The following PDE3B variants were observed in gnomAD, a reference collection of about 807,000 sequenced individuals.
The protein encoded by PDE3B is phosphodiesterase 3B.
PDE3B carries 66 observed loss-of-function variants against 116.8 expected under a neutral mutation model. The ratio of observed to expected loss-of-function variants is 0.56; its 90% CI spans 0.46 to 0.69. The LOEUF (loss-of-function observed/expected upper bound fraction) is 0.69, where lower values mean the gene tolerates loss of function less well. Ranked by LOEUF, PDE3B falls within the 30% of genes least tolerant of loss-of-function variation. The probability of loss-of-function intolerance (pLI) is 0.00; values close to 1 mark genes in which losing one functional copy is unlikely to be tolerated. For synonymous variants in PDE3B, 595 were observed against 533.6 expected (o/e 1.12, Z -1.59); for missense variants, 1,384 against 1,368.1 (o/e 1.01, Z -0.18).
chr11:14,848,130 C>T (rs2133978992), intron 12 of PDE3B, among the ~76,000 whole-genome samples: 1 of 140,412 alleles, frequency 7.1e-6, no homozygotes, highest in Non-Finnish European at 1.5e-5. Context: ...CATCAAAAAG[C>T]TTATCCACCA....
At chr11:14,699,297 A>G (rs1855299373) in intron 1 of PDE3B, 1 of 151,890 alleles carries the variant, frequency 6.6e-6, no homozygotes, top group Non-Finnish European at 1.5e-5. Context: ...GATTCCATTC[A>G]TCATATACTG....
At chr11:14,645,135 T>G (rs756948497) in intron 1 of PDE3B, 82 bp downstream of exon 1, 3 of 737,426 alleles carry the variant, frequency 4.1e-6, no homozygotes, top group Non-Finnish European at 5.5e-6. Context: ...TTCGCTTATT[T>G]CAAAGCATGT....
chr11:14,771,895 T>G (rs745822090), intron 1 of PDE3B, 42 bp from the exon 2 acceptor site: 1 of 875,086 alleles, frequency 1.1e-6, no homozygotes, highest in Non-Finnish European at 1.7e-6. Flanking sequence ...TATACTTTTT[T>G]GTTTATTTTT....
intron 11 of PDE3B, 89 bp from the exon 12 acceptor site, chr11:14,843,738 C>A: frequency 4.5e-6 from 4 of 896,778 alleles, no homozygotes; most frequent in South Asian, 1.4e-5. Flanking sequence ...AATAAGTAAG[C>A]ATATTACCTA....
rs1256315419 is a variant in PDE3B, at chr11:14,869,511, C to G, written c.3190C>G (p.His1064Asp). The G allele has an allele frequency of 6.2e-7, 1 of 1,612,544 alleles. No homozygotes were observed. Among genetic ancestry groups the G allele is most frequent in the South Asian group, 1.1e-5 (1 of 90,936 alleles). ...GCGAATATTTTGTCAGCTAATGCAC[C>G]ACCTCACTGAAAACCACAAGATATG... ...RRRIFCQLMH[H>D]LTENHKIWKE... is the part of the protein sequence containing the mutation. Residue 1064 changes from histidine to aspartate, a missense_variant, in exon 16 of 16, where the codon CAC becomes GAC. Physicochemically the swap from His to Asp is moderately conservative, Grantham distance 81 (BLOSUM62 -1). Coordinates refer to ENST00000282096, the MANE Select transcript of PDE3B (RefSeq NM_000922.4).
At chr11:14,653,250 A>C (rs986528813) in intron 1 of PDE3B, among the ~76,000 whole-genome samples, 1 of 152,088 alleles carries the variant, frequency 6.6e-6, no homozygotes, top group Admixed American at 6.6e-5. Flanking sequence ...ACCTCACGTA[A>C]AAATTTAAAT....
intron 2 of PDE3B, chr11:14,775,293 T>G (rs937566717): frequency 6.6e-6 from 1 of 152,198 alleles, no homozygotes; most frequent in East Asian, 1.9e-4. Flanking sequence ...TGTATAGCAT[T>G]ATTTTACCAC....
intron 1 of PDE3B, among the ~76,000 whole-genome samples, chr11:14,683,731 T>G (rs568181246): frequency 6.6e-6 from 1 of 152,194 alleles, no homozygotes; most frequent in Admixed American, 6.5e-5. Flanking sequence ...TTTGTTCTTC[T>G]TTTCCTAATT....
the PDE3B span, chr11:14,892,315 G>A: frequency 1.9e-6 from 2 of 1,070,314 alleles, no homozygotes; most frequent in Non-Finnish European, 2.7e-6. Flanking sequence ...CCCTAGCTCC[G>A]TGGCCATTGG....
At chr11:14,878,286 A>C in the PDE3B span, 5 of 1,612,902 alleles carry the variant, frequency 3.1e-6, no homozygotes, top group Non-Finnish European at 4.2e-6. Context: ...TCTCCAAGAC[A>C]ATGTCTTCTT....
At chr11:14,788,310 CAAAG>C (rs902578554) in intron 3 of PDE3B, among the ~76,000 whole-genome samples, 1 of 151,858 alleles carries the variant, frequency 6.6e-6, no homozygotes, top group African/African-American at 2.4e-5. Context: ...ACATTAAGAA[CAAAG>C]AAAGATCATA....
intron 5 of PDE3B, among the ~76,000 whole-genome samples, chr11:14,808,236 C>G (rs1164083410): frequency 6.6e-6 from 1 of 152,150 alleles, no homozygotes; most frequent in East Asian, 1.9e-4. Flanking sequence ...AGAAACTACA[C>G]AATTAGTTCA....
At chr11:14,891,595 G>A in the PDE3B span, 12 of 1,058,790 alleles carry the variant, frequency 1.1e-5, no homozygotes, top group Non-Finnish European at 1.4e-5. Flanking sequence ...AGCTTCCACA[G>A]AGCTGCGAGG....
At chr11:14,844,939 C>T (rs1847563055) in intron 12 of PDE3B, among the ~76,000 whole-genome samples, 2 of 152,222 alleles carry the variant, frequency 1.3e-5, no homozygotes, top group African/African-American at 2.4e-5. Context: ...CAGCAGTAAC[C>T]TCTGCAGACT....
rs561038125 is a variant in PDE3B at position 14,842,353 on chromosome 11, A to G, written c.2321-1474A>G. ...TAAGCTAATGTTTTAAGATCCTAAT[A>G]TATAAATTCCAAGTAATTACTGAAT... On this transcript the variant is annotated intron_variant, in intron 11 of 15. Coordinates refer to ENST00000282096, the MANE Select transcript of PDE3B (RefSeq NM_000922.4). Among the ~76,000 whole-genome samples, 7 of 152,354 alleles carry G rather than the reference A, an allele frequency of 4.6e-5. No individual in the cohort carries two copies. The East Asian group carries it at 1.2e-3, about 25-fold the overall frequency.
At chr11:14,798,701 T>C (rs1590154168) in intron 4 of PDE3B, among the ~76,000 whole-genome samples, 1 of 152,328 alleles carries the variant, frequency 6.6e-6, no homozygotes, top group Non-Finnish European at 1.5e-5. Context: ...TTCTTCTAGA[T>C]TTTTTAGTTT....
At chr11:14,770,640 T>A (rs1857613245) in intron 1 of PDE3B, among the ~76,000 whole-genome samples, 1 of 151,572 alleles carries the variant, frequency 6.6e-6, no homozygotes, top group African/African-American at 2.4e-5. Context: ...ATGAGTCTGT[T>A]ATATATATGG....
At chr11:14,783,616 G>T (rs747489148) in intron 2 of PDE3B, among the ~76,000 whole-genome samples, 2 of 152,112 alleles carry the variant, frequency 1.3e-5, no homozygotes, top group Non-Finnish European at 2.9e-5. Flanking sequence ...TAGTGGGGTG[G>T]GGGAGTGGGG....
At chr11:14,851,565 T>G (rs891138694) in intron 12 of PDE3B, among the ~76,000 whole-genome samples, 4 of 151,902 alleles carry the variant, frequency 2.6e-5, no homozygotes, top group Non-Finnish European at 4.4e-5. Context: ...TGTGATTCAT[T>G]TATCCAATGA....
Sources: allele counts gnomAD v4.1 joint callset (sites outside exome capture counted in the v4.1 genomes callset), GRCh38; gene constraint gnomAD v4.1.1; transcripts MANE v1.5; gene names NCBI Gene and HGNC (gene_info 2026-07-23, HGNC 2026-07-21).